UBE2E3: variants seen among roughly 807,000 people sequenced by gnomAD.
UBE2E3 encodes ubiquitin conjugating enzyme E2 E3, also known as ubiquitin-conjugating enzyme E2 E3.
A neutral mutation model predicts 23.6 loss-of-function variants in UBE2E3; 5 were observed. The observed-to-expected ratio is 0.21, with a 90% CI of 0.11 to 0.44. The LOEUF (loss-of-function observed/expected upper bound fraction) is 0.44. UBE2E3 is among the 20% of genes least tolerant of loss of function. UBE2E3 has a pLI of 0.99. For synonymous variants in UBE2E3, 78 were observed against 87.5 expected, an observed-to-expected ratio of 0.89 and a Z score of 0.60; for missense variants, 81 against 249.8, an observed-to-expected ratio of 0.32 and a Z score of 4.55.
In UBE2E3 at chr2:181,030,836, T is replaced by C. The variant is rs555791072; in HGVS notation, c.246-26857T>C. ...TTAGAGCATTTATTTTTTTCATGTC[T>C]GTTATTTCTGTCTTCTCTCTGTCTT... On this transcript the variant is annotated intron_variant, in intron 3 of 5. Coordinates refer to ENST00000410062, the MANE Select transcript of UBE2E3 (RefSeq NM_006357.4). Among the ~76,000 whole-genome samples the C allele has an allele frequency of 8.1e-4, 124 of 152,248 alleles. 1 individual carries two copies. Among genetic ancestry groups the C allele is most frequent in the South Asian group, 6.8e-3 (33 of 4,828 alleles).
intron 2 of UBE2E3, among the ~76,000 whole-genome samples, chr2:180,982,849 C>T (rs1314751616): frequency 2.6e-5 from 4 of 152,272 alleles, no homozygotes; most frequent in African/African-American, 9.6e-5. Flanking sequence ...TAGCCCTTTA[C>T]AATTTGAGGT....
At position 180,995,810 on chromosome 2, in the gene UBE2E3, G is replaced by T. The variant is rs967960931; in HGVS notation, c.245+11717G>T. Reference sequence around the variant, plus strand: ...TTGTTTTAACGAAACAAAACTCCTGGTGTGCTTTTCTATCAAAAGGCACCT... The same window carrying T: ...TTGTTTTAACGAAACAAAACTCCTGTTGTGCTTTTCTATCAAAAGGCACCT... On this transcript the variant is annotated intron_variant, in intron 3 of 5. Coordinates refer to ENST00000410062, the MANE Select transcript of UBE2E3 (RefSeq NM_006357.4). Among the ~76,000 whole-genome samples the T allele has an allele frequency of 2.7e-5, 4 of 150,928 alleles. No individual in the cohort carries two copies. The South Asian group carries it at 8.4e-4, about 32-fold the overall frequency.
intron 3 of UBE2E3, among the ~76,000 whole-genome samples, chr2:181,042,163 A>G (rs756414592): frequency 2.6e-5 from 4 of 152,190 alleles, no homozygotes; most frequent in Non-Finnish European, 5.9e-5. Context: ...CCCTATCCCC[A>G]TCAGTCATTC....
At chr2:181,004,791 A>G (rs6731523) in intron 3 of UBE2E3, among the ~76,000 whole-genome samples, 35,351 of 152,218 alleles carry the variant, frequency 0.23, 4,476 homozygotes, top group Non-Finnish European at 0.28. Flanking sequence ...TTGTGAAAAA[A>G]GTAATATATA....
At chr2:181,057,479 A>T (rs962501257) in intron 3 of UBE2E3, among the ~76,000 whole-genome samples, 1 of 151,776 alleles carries the variant, frequency 6.6e-6, no homozygotes, top group Non-Finnish European at 1.5e-5. Context: ...TTTTCTTTGT[A>T]CTTTTCTTGC....
intron 4 of UBE2E3, among the ~76,000 whole-genome samples, chr2:181,059,598 A>T (rs937553788): frequency 6.6e-6 from 1 of 151,704 alleles, no homozygotes; most frequent in Non-Finnish European, 1.5e-5. Context: ...GAAATCTTAC[A>T]CATTTTCTTT....
intron 3 of UBE2E3, among the ~76,000 whole-genome samples, chr2:180,993,835 T>TA (rs1312747035): frequency 3.9e-5 from 6 of 152,182 alleles, no homozygotes; most frequent in Non-Finnish European, 7.4e-5. Context: ...CTTCTTAATT[T>TA]AAACAGTAGC....
At chr2:181,059,999 T>C (rs1559138026) in intron 4 of UBE2E3, among the ~76,000 whole-genome samples, 1 of 151,778 alleles carries the variant, frequency 6.6e-6, no homozygotes, top group Non-Finnish European at 1.5e-5. Flanking sequence ...TTATGATTTA[T>C]CTTCTTTTCT....
intron 3 of UBE2E3, among the ~76,000 whole-genome samples, chr2:181,034,676 TA>T (rs556829818): frequency 0.016 from 2,240 of 142,742 alleles, 36 homozygotes; most frequent in Middle Eastern, 0.032. Flanking sequence ...TAAAGTATAA[TA>T]AAAAAAATTA....
intron 3 of UBE2E3, among the ~76,000 whole-genome samples, chr2:181,016,999 C>T (rs1231368285): frequency 3.3e-5 from 5 of 152,164 alleles, no homozygotes; most frequent in African/African-American, 1.2e-4. Context: ...GCAATTTGAT[C>T]CCATCTGATT....
rs1198908190 is a variant in UBE2E3, at chr2:180,987,533, T to C, written c.245+3440T>C. 3.9e-6 allele frequency: 4 copies of C among 1,021,060 alleles called. No individual in the cohort carries two copies. The East Asian group carries it at 1.1e-4, about 27-fold the overall frequency. 63.3% of individuals were successfully genotyped at this position (1,021,060 alleles called of 1,614,324 possible). ...GGGGGTATTTGTATTAATAAATAGT[T>C]TCTTGATGTGGGAAAGGCCATATTG... On this transcript the variant is annotated intron_variant, in intron 3 of 5. Coordinates refer to ENST00000410062, the MANE Select transcript of UBE2E3 (RefSeq NM_006357.4).
intron 1 of UBE2E3, among the ~76,000 whole-genome samples, chr2:180,981,658 A>C (rs891591154): frequency 1.3e-5 from 2 of 152,234 alleles, no homozygotes. Context: ...AGTGACTTTT[A>C]AACATTTTTC....
intron 3 of UBE2E3, among the ~76,000 whole-genome samples, chr2:181,028,317 G>T (rs1685962196): frequency 6.6e-6 from 1 of 151,900 alleles, no homozygotes; most frequent in Admixed American, 6.6e-5. Flanking sequence ...GGGTATATTG[G>T]GTGTTCCATG....
chr2:181,009,559 TATTAATTATG>T (rs1685254475), intron 3 of UBE2E3, among the ~76,000 whole-genome samples: 1 of 151,778 alleles, frequency 6.6e-6, no homozygotes, highest in Non-Finnish European at 1.5e-5. Flanking sequence ...TATTTTATTT[TATTAATTATG>T]GTTCTCTATA....
intron 3 of UBE2E3, chr2:180,987,305 TATTAAG>T: frequency 2.5e-5 from 38 of 1,548,358 alleles, no homozygotes; most frequent in Non-Finnish European, 3.3e-5. Context: ...AGTGATGTGT[TATTAAG>T]ACATTTACTT....
chr2:180,988,186 C>G (rs1684538921), intron 3 of UBE2E3, among the ~76,000 whole-genome samples: 1 of 152,070 alleles, frequency 6.6e-6, no homozygotes, highest in Non-Finnish European at 1.5e-5. Flanking sequence ...GTGGCCACAG[C>G]AAGATAAAAA....
intron 3 of UBE2E3, among the ~76,000 whole-genome samples, chr2:180,997,257 T>A (rs1157302451): frequency 6.6e-6 from 1 of 152,094 alleles, no homozygotes; most frequent in Non-Finnish European, 1.5e-5. Flanking sequence ...CTATTTATTT[T>A]TTTTCTGTCC....
intron 1 of UBE2E3, 119 bp downstream of exon 1, chr2:180,981,092 G>A (rs1487443201): frequency 2.7e-5 from 4 of 146,426 alleles, no homozygotes; most frequent in Non-Finnish European, 6.1e-5. Context: ...CGGTGTCCGC[G>A]AGCCGCGGCG....
intron 3 of UBE2E3, among the ~76,000 whole-genome samples, chr2:180,992,481 A>G (rs1213956943): frequency 6.6e-6 from 1 of 152,164 alleles, no homozygotes; most frequent in Non-Finnish European, 1.5e-5. Flanking sequence ...ATAAAGATTT[A>G]TTTCTCACTC....
Sources: gnomAD v4.1 joint callset for allele counts (sites outside exome capture counted in the v4.1 genomes callset) on GRCh38, gnomAD v4.1.1 for gene constraint, MANE v1.5 for transcripts, NCBI Gene and HGNC (gene_info 2026-07-23, HGNC 2026-07-21) for gene names.